The following PTPRA variants were observed in gnomAD, a reference collection of about 807,000 sequenced individuals.
The protein encoded by PTPRA is protein tyrosine phosphatase receptor type A.
A neutral mutation model predicts 104.8 loss-of-function variants in PTPRA; 25 were observed. The ratio of observed to expected loss-of-function variants is 0.24; its 90% CI spans 0.17 to 0.33. PTPRA has a LOEUF of 0.33. PTPRA is among the 10% of genes least tolerant of loss of function. The pLI, the probability that PTPRA is intolerant of heterozygous loss-of-function variation, is 1.00. For synonymous variants in PTPRA, 323 were observed against 368.9 expected (o/e 0.88, Z 1.43); for missense variants, 765 against 1,015.3 (o/e 0.75, Z 3.35).
intron 20 of PTPRA, among the ~76,000 whole-genome samples, chr20:3,030,541 A>G (rs1172650070): frequency 6.6e-6 from 1 of 152,140 alleles, no homozygotes; most frequent in Admixed American, 6.6e-5. Context: ...AGGTGCCTAC[A>G]CTTATACAGT....
At chr20:2,866,254 G>A in the PTPRA span, 1 of 1,614,098 alleles carries the variant, frequency 6.2e-7, no homozygotes, top group Non-Finnish European at 8.5e-7. Flanking sequence ...CAAATACGAA[G>A]CCAAGAAGTA....
intron 3 of PTPRA, among the ~76,000 whole-genome samples, chr20:2,962,796 TCCCTG>T (rs1450703404): frequency 1.3e-5 from 2 of 152,196 alleles, no homozygotes; most frequent in Non-Finnish European, 2.9e-5. Flanking sequence ...TGAACCCATT[TCCCTG>T]CTAGGCACGG....
intron 1 of PTPRA, among the ~76,000 whole-genome samples, chr20:2,912,938 T>C (rs1568651151): frequency 6.6e-6 from 1 of 152,188 alleles, no homozygotes; most frequent in Admixed American, 6.5e-5. Context: ...TAGTGTGCAC[T>C]TTTTTTGTCG....
chr20:2,912,681 G>A (rs748115900), intron 1 of PTPRA, among the ~76,000 whole-genome samples: 1 of 151,946 alleles, frequency 6.6e-6, no homozygotes, highest in East Asian at 1.9e-4. Context: ...TTAATTTTTC[G>A]TGACCAAACT....
intron 1 of PTPRA, among the ~76,000 whole-genome samples, chr20:2,909,647 T>G (rs1369532941): frequency 6.6e-6 from 1 of 150,638 alleles, no homozygotes; most frequent in African/African-American, 2.4e-5. Flanking sequence ...CAGACAATAG[T>G]AAATGAATGA....
intron 3 of PTPRA, among the ~76,000 whole-genome samples, chr20:2,959,434 G>GT (rs1337426221): frequency 6.6e-6 from 1 of 151,870 alleles, no homozygotes; most frequent in Non-Finnish European, 1.5e-5. Context: ...TTAGCTGTTC[G>GT]TTTTTCTCGT....
chr20:2,871,294 A>T (rs1232635657), upstream of PTPRA, among the ~76,000 whole-genome samples: 2 of 152,154 alleles, frequency 1.3e-5, no homozygotes, highest in Non-Finnish European at 2.9e-5. Flanking sequence ...TTCCAGGAAG[A>T]GTTGCAGAGG....
the PTPRA span, chr20:2,866,629 G>T: frequency 6.2e-7 from 1 of 1,601,770 alleles, no homozygotes; most frequent in South Asian, 1.1e-5. Flanking sequence ...ACCTGGGCTT[G>T]GCAGAAGGGC....
chr20:2,898,489 T>C (rs150250920), intron 1 of PTPRA, among the ~76,000 whole-genome samples: 6,925 of 151,764 alleles, frequency 0.046, 364 homozygotes, highest in Admixed American at 0.11. Context: ...GCTGAGATTA[T>C]AGGCATGAGC....
chr20:2,964,647 T>G (rs1324299116), intron 4 of PTPRA, among the ~76,000 whole-genome samples: 1 of 152,232 alleles, frequency 6.6e-6, no homozygotes, highest in Non-Finnish European at 1.5e-5. Context: ...GTGAAGAATC[T>G]TGTGTCTTTC....
chr20:3,034,275 G>GA (rs141188945), intron 20 of PTPRA, among the ~76,000 whole-genome samples: 159 of 147,724 alleles, frequency 1.1e-3, no homozygotes, highest in African/African-American at 3.2e-3. Flanking sequence ...TCTCAAAAAA[G>GA]AAAAAAAAAA....
chr20:3,010,435 T>C (rs1037491393), intron 11 of PTPRA, among the ~76,000 whole-genome samples: 14 of 151,886 alleles, frequency 9.2e-5, no homozygotes, highest in African/African-American at 2.9e-4. Context: ...GAGACCATCC[T>C]GGCTAACACG....
chr20:2,956,661 AAAATAAAT>A (rs3055404), intron 3 of PTPRA, among the ~76,000 whole-genome samples: 86,957 of 150,306 alleles, frequency 0.58, 25,945 homozygotes, highest in East Asian at 0.89. Context: ...TCAGTAAATA[AAAATAAAT>A]AAATAAATAA....
intron 2 of PTPRA, among the ~76,000 whole-genome samples, chr20:2,934,924 A>T (rs1289117088): frequency 2.0e-5 from 3 of 152,080 alleles, no homozygotes; most frequent in Non-Finnish European, 4.4e-5. Context: ...TGCTTGCCTT[A>T]GCCTCCCAAA....
chr20:2,903,551 G>A (rs2059311212), intron 1 of PTPRA, among the ~76,000 whole-genome samples: 1 of 152,120 alleles, frequency 6.6e-6, no homozygotes, highest in Non-Finnish European at 1.5e-5. Flanking sequence ...GTTGGGCGCG[G>A]TGGTTATATG....
intron 1 of PTPRA, among the ~76,000 whole-genome samples, chr20:2,885,337 G>T (rs114796685): frequency 0.038 from 5,755 of 152,122 alleles, 269 homozygotes; most frequent in Admixed American, 0.11. Context: ...CTCATAATTT[G>T]ACACATGAAA....
chr20:2,888,884 T>C (rs1436169073), intron 1 of PTPRA, among the ~76,000 whole-genome samples: 2 of 152,230 alleles, frequency 1.3e-5, no homozygotes, highest in East Asian at 1.9e-4. Context: ...GTGAATGTTA[T>C]AGCAGATTGA....
intron 1 of PTPRA, among the ~76,000 whole-genome samples, chr20:2,905,744 G>A (rs1002293962): frequency 2.2e-5 from 3 of 139,464 alleles, no homozygotes; most frequent in African/African-American, 5.6e-5. Flanking sequence ...GAGTGCAATG[G>A]TGTGGTCTCA....
intron 8 of PTPRA, 61 bp downstream of exon 8, chr20:2,988,166 G>C: frequency 6.6e-7 from 1 of 1,526,586 alleles, no homozygotes; most frequent in Non-Finnish European, 9.0e-7. Flanking sequence ...GAAATTAGGA[G>C]TTTCTCCATC....
Sources: gnomAD v4.1 joint callset for allele counts (sites outside exome capture counted in the v4.1 genomes callset) on GRCh38, gnomAD v4.1.1 for gene constraint, MANE v1.5 for transcripts, NCBI Gene and HGNC (gene_info 2026-07-23, HGNC 2026-07-21) for gene names.